Variants in UBE4B observed in about 807,000 individuals in gnomAD.
UBE4B encodes ubiquitination factor E4B, also known as ubiquitin conjugation factor E4 B.
In UBE4B, 27 loss-of-function variants were observed where a neutral mutation model predicts 148.1. The observed-to-expected ratio is 0.18, with a 90% CI of 0.13 to 0.25. UBE4B has a LOEUF of 0.25. Ranked by LOEUF, UBE4B falls within the 10% of genes least tolerant of loss-of-function variation. The probability of loss-of-function intolerance (pLI) is 1.00; values close to 1 mark genes in which losing one functional copy is unlikely to be tolerated. For missense variants in UBE4B, 1,170 were observed against 1,662.4 expected (o/e 0.70, Z 5.15); for synonymous variants, 596 against 619.3 (o/e 0.96, Z 0.56).
chr1:10,066,289 T>G (rs1644387137), intron 1 of UBE4B, among the ~76,000 whole-genome samples: 1 of 148,802 alleles, frequency 6.7e-6, no homozygotes, highest in African/African-American at 2.6e-5. Context: ...CCAGCTAATT[T>G]TTTATTTTTT....
chr1:10,115,164 CTTT>C (rs5772396), intron 7 of UBE4B, among the ~76,000 whole-genome samples: 6 of 136,982 alleles, frequency 4.4e-5, no homozygotes, highest in Admixed American at 1.5e-4. Flanking sequence ...TAATACCATA[CTTT>C]TTTTTTTTTT....
In UBE4B at chr1:10,091,415, A is replaced by G. The variant is rs1473118042; in HGVS notation, c.212-4046A>G. Among the ~76,000 whole-genome samples the G allele has an allele frequency of 2.6e-5, 4 of 152,174 alleles. No homozygotes were observed. In the East Asian group the frequency reaches 7.7e-4, roughly 29 times the overall value. On this transcript the variant is annotated intron_variant, in intron 2 of 27. Transcript: ENST00000343090. Reference sequence around the variant, plus strand: ...CACATTGATTTCTAAATAAAATCAAAGACACCATCAGGTTTTTGTGTGTGT... The same window carrying G: ...CACATTGATTTCTAAATAAAATCAAGGACACCATCAGGTTTTTGTGTGTGT...
At chr1:10,036,712 T>C (rs535761879) in intron 1 of UBE4B, among the ~76,000 whole-genome samples, 1 of 152,268 alleles carries the variant, frequency 6.6e-6, no homozygotes, top group South Asian at 2.1e-4. Flanking sequence ...TTTCCAAAGC[T>C]TTTGCCTTTG....
Position 10,157,018 on chromosome 1 carries a change from G to GA in UBE4B, c.2927-1328dup, listed in dbSNP as rs1327715337. 3.1e-4 allele frequency among the ~76,000 whole-genome samples: 46 copies of GA among 150,324 alleles called. No individual in the cohort carries two copies. In the South Asian group the frequency reaches 9.3e-3, roughly 30 times the overall value. Reference sequence around the variant, plus strand: ...CCCCATCTGTAAAAAAATTAAAAGTGAAAAAAAAAATTTTTGAGACAGAGT... The same window carrying GA: ...CCCCATCTGTAAAAAAATTAAAAGTGAAAAAAAAAAATTTTTGAGACAGAGT... On this transcript the variant is annotated intron_variant, in intron 21 of 27. Transcript: ENST00000343090.
At position 10,088,194 on chromosome 1, in the gene UBE4B, T is replaced by A. The variant is rs149987861; in HGVS notation, c.212-7267T>A. On this transcript the variant is annotated intron_variant, in intron 2 of 27. Transcript: ENST00000343090. ...CAAGGAGCAGTCCTGGTCTACTGAC[T>A]CCAGATGTATGATTCTATGCATGAT... Among the ~76,000 whole-genome samples, 113 of 152,276 alleles carry A rather than the reference T, an allele frequency of 7.4e-4. 1 individual carries two copies. The East Asian group carries it at 0.019, about 25-fold the overall frequency.
rs772633608 is a variant in UBE4B, at chr1:10,106,085, A to G, written c.810-112A>G. On this transcript the variant is annotated intron_variant, in intron 6 of 27. Coordinates refer to ENST00000343090, the MANE Select transcript of UBE4B (RefSeq NM_001105562.3). This position sits in a 1 kb window ranked among gnomAD's most constrained non-coding sequence, Gnocchi z 4.2. The stretch of plus-strand genomic sequence containing the variant: ...ATTTAGATGTTTATCTGCTAGATAT[A>G]CTTGAACTGAAATGATTCTCCTTTA... 6 of 1,238,114 alleles carry G rather than the reference A, an allele frequency of 4.8e-6. No individual in the cohort carries two copies. Among genetic ancestry groups the G allele is most frequent in the Non-Finnish European group, 6.7e-6 (6 of 899,234 alleles). The allele number at this position is 1,238,114 out of a possible 1,614,324, so 76.7% of individuals were successfully genotyped here.
chr1:10,068,282 G>T (rs1173854010), intron 1 of UBE4B, among the ~76,000 whole-genome samples: 1 of 151,724 alleles, frequency 6.6e-6, no homozygotes, highest in Non-Finnish European at 1.5e-5. Context: ...CACCTACCTT[G>T]GCCTCCCAAA....
chr1:10,088,070 T>C (rs1644791000), intron 2 of UBE4B, among the ~76,000 whole-genome samples: 1 of 152,208 alleles, frequency 6.6e-6, no homozygotes, highest in Admixed American at 6.5e-5. Context: ...GACATGCCTC[T>C]TCTTTTATAT....
At chr1:10,061,361 TCTC>T (rs1364036497) in intron 1 of UBE4B, among the ~76,000 whole-genome samples, 3 of 151,434 alleles carry the variant, frequency 2.0e-5, no homozygotes, top group Non-Finnish European at 4.4e-5. Flanking sequence ...TTTAAGCAAT[TCTC>T]CTGCCTCAGC....
At chr1:10,107,719 A>G (rs895491995) in intron 7 of UBE4B, among the ~76,000 whole-genome samples, 11 of 151,712 alleles carry the variant, frequency 7.3e-5, no homozygotes, top group Admixed American at 7.2e-4. Context: ...CTGGGATTAC[A>G]GGCACCCGCC....
At chr1:10,061,840 G>T (rs1644292544) in intron 1 of UBE4B, among the ~76,000 whole-genome samples, 1 of 151,676 alleles carries the variant, frequency 6.6e-6, no homozygotes, top group African/African-American at 2.4e-5. Context: ...GAGGAGTGTT[G>T]TCAGTTACTT....
At chr1:10,088,685 TA>T (rs778186245) in intron 2 of UBE4B, among the ~76,000 whole-genome samples, 13 of 151,836 alleles carry the variant, frequency 8.6e-5, no homozygotes, top group Non-Finnish European at 1.6e-4. Context: ...TTTATTATTT[TA>T]TTATTATTTT....
intron 1 of UBE4B, among the ~76,000 whole-genome samples, chr1:10,057,471 C>T (rs1644196472): frequency 7.2e-6 from 1 of 139,120 alleles, no homozygotes; most frequent in Non-Finnish European, 1.5e-5. Context: ...GGCTGGAGTG[C>T]AGTGGCGTGA....
intron 7 of UBE4B, chr1:10,107,093 T>A (rs964430701): frequency 2.4e-5 from 18 of 754,282 alleles, no homozygotes; most frequent in Non-Finnish European, 3.4e-5. Flanking sequence ...AGGTGAATTA[T>A]GTTTCTGCAT....
intron 2 of UBE4B, among the ~76,000 whole-genome samples, chr1:10,073,787 G>A (rs1570829050): frequency 6.6e-6 from 1 of 152,012 alleles, no homozygotes; most frequent in African/African-American, 2.4e-5. Context: ...CCTTGATACT[G>A]GCAGGCTGTT....
intron 1 of UBE4B, among the ~76,000 whole-genome samples, chr1:10,067,260 G>A (rs1341627208): frequency 6.6e-6 from 1 of 152,088 alleles, no homozygotes; most frequent in East Asian, 1.9e-4. Flanking sequence ...TTTTAATGTC[G>A]TTTGTGAAAT....
intron 2 of UBE4B, among the ~76,000 whole-genome samples, chr1:10,092,080 G>A (rs1644857260): frequency 1.3e-5 from 2 of 152,016 alleles, no homozygotes; most frequent in African/African-American, 4.8e-5. Flanking sequence ...GGAGAGAAAT[G>A]GGTTATGGTG....
intron 10 of UBE4B, among the ~76,000 whole-genome samples, chr1:10,125,933 A>G (rs528620770): frequency 6.6e-6 from 1 of 152,176 alleles, no homozygotes; most frequent in Non-Finnish European, 1.5e-5. Context: ...TTTAAGTTTA[A>G]TGTAGTAATA....
chr1:10,142,123 G>T (rs140758516), intron 17 of UBE4B, among the ~76,000 whole-genome samples: 2,623 of 151,988 alleles, frequency 0.017, 34 homozygotes, highest in Non-Finnish European at 0.027. Context: ...CAGGGATCAT[G>T]TATATAGCTG....
Sources: gnomAD v4.1 joint callset for allele counts (sites outside exome capture counted in the v4.1 genomes callset) on GRCh38, gnomAD v4.1.1 for gene constraint, Gnocchi (gnomAD v3.1) non-coding constraint, MANE v1.5 for transcripts, NCBI Gene and HGNC (gene_info 2026-07-23, HGNC 2026-07-21) for gene names.